Variants in ENPP2 observed in about 807,000 individuals in gnomAD.
ENPP2 encodes the protein autotaxin.
In ENPP2, 51 loss-of-function variants were observed where a neutral mutation model predicts 120.2. The observed-to-expected ratio is 0.42, with a 90% CI of 0.34 to 0.54. The LOEUF is 0.54. Among genes scored for constraint, ENPP2 ranks in the 20% least tolerant of loss-of-function variants. The pLI, the probability that ENPP2 is intolerant of heterozygous loss-of-function variation, is 0.04. For synonymous variants in ENPP2, 365 were observed against 366.4 expected, an observed-to-expected ratio of 1.00 and a Z score of 0.04; for missense variants, 920 against 1,066.5, an observed-to-expected ratio of 0.86 and a Z score of 1.91.
intron 11 of ENPP2, 51 bp downstream of exon 11, chr8:119,600,627 C>T (rs745390344): frequency 9.2e-7 from 1 of 1,085,406 alleles, no homozygotes. Flanking sequence ...GTCAGTAGAT[C>T]AGGTAGCCCA....
chr8:119,613,530 A>G (rs72688230), intron 8 of ENPP2, among the ~76,000 whole-genome samples: 7,988 of 152,274 alleles, frequency 0.052, 293 homozygotes, highest in Non-Finnish European at 0.08. Flanking sequence ...TAATTTAATT[A>G]TCAATCTAAG....
At chr8:119,607,820 A>G (rs564799773) in intron 9 of ENPP2, 102 bp downstream of exon 9, 1 of 752,044 alleles carries the variant, frequency 1.3e-6, no homozygotes. Context: ...AAAGTTCTAT[A>G]TTTTCACATT....
chr8:119,582,163 A>G (rs1237437511), intron 18 of ENPP2, among the ~76,000 whole-genome samples: 1 of 152,252 alleles, frequency 6.6e-6, no homozygotes, highest in East Asian at 1.9e-4. Context: ...TGCACAGAAT[A>G]GCAACATGAA....
At chr8:119,611,395 A>G (rs1815096523) in intron 8 of ENPP2, among the ~76,000 whole-genome samples, 1 of 152,112 alleles carries the variant, frequency 6.6e-6, no homozygotes, top group South Asian at 2.1e-4. Context: ...TGAGAATCAG[A>G]ACAAATTAAG....
intron 11 of ENPP2, chr8:119,595,874 A>C (rs764052643): frequency 6.2e-7 from 1 of 1,614,084 alleles, no homozygotes; most frequent in East Asian, 2.2e-5. Context: ...CCGCAGCATA[A>C]TGATCCATCC....
At chr8:119,633,216 T>A (rs1816789323) in intron 2 of ENPP2, among the ~76,000 whole-genome samples, 1 of 152,088 alleles carries the variant, frequency 6.6e-6, no homozygotes, top group Admixed American at 6.6e-5. Context: ...CCTCTAAATG[T>A]CCCCCGTAAA....
At position 119,571,824 on chromosome 8, in the gene ENPP2, T is replaced by C. The variant is rs1010873671; in HGVS notation, c.1781-983A>G. On this transcript the variant is annotated intron_variant, in intron 19 of 24. Coordinates refer to ENST00000075322, the MANE Select transcript of ENPP2 (RefSeq NM_001040092.3). ...TCTGAAAAACACTTATTAAATAATG[T>C]ATACATGTTGCTTTAATTAAAGTCT... 2.8e-4 allele frequency: 48 copies of C among 168,616 alleles called. 1 individual carries two copies. Among genetic ancestry groups the C allele is most frequent in the Non-Finnish European group, 1.0e-4 (8 of 78,618 alleles). The allele number at this position is 168,616 out of a possible 1,614,324, so 10.4% of individuals were successfully genotyped here.
intron 18 of ENPP2, among the ~76,000 whole-genome samples, 188 bp downstream of exon 18, chr8:119,582,230 G>A (rs1331582238): frequency 1.3e-5 from 2 of 152,170 alleles, no homozygotes; most frequent in Admixed American, 6.5e-5. Flanking sequence ...GTAGCCACAA[G>A]CCACATAGGG....
At position 119,586,237 on chromosome 8, in the gene ENPP2, C is replaced by T. The variant is rs61743437; in HGVS notation, c.1316G>A (p.Arg439Lys). 2,288 of 1,614,054 alleles carry T rather than the reference C, an allele frequency of 1.4e-3. 32 individuals carry two copies. In the African/African-American group the frequency reaches 0.027, roughly 19 times the overall value. The change falls in exon 15 of 25, where the codon AGA becomes AAA. Residue 439 changes from arginine (R) to lysine (K), a missense_variant. Coordinates refer to ENST00000075322, the MANE Select transcript of ENPP2 (RefSeq NM_001040092.3). ...LPKRLHYANNRRIEDIHLLVE... is the reference protein window; with the variant it reads ...LPKRLHYANNKRIEDIHLLVE... ...CAATAAATGGATATCCTCAATTCTT[C>T]TGTTGTTGGCATAGTGCAAACGTTT...
At chr8:119,623,461 T>C (rs1816051258) in intron 3 of ENPP2, among the ~76,000 whole-genome samples, 1 of 152,074 alleles carries the variant, frequency 6.6e-6, no homozygotes, top group Admixed American at 6.6e-5. Flanking sequence ...GGAGACTCCA[T>C]CTAAAAAGAT....
At chr8:119,657,214 C>T (rs182524712) in intron 1 of ENPP2, among the ~76,000 whole-genome samples, 2 of 152,218 alleles carry the variant, frequency 1.3e-5, no homozygotes, top group East Asian at 1.9e-4. Flanking sequence ...CATGAGCCAC[C>T]GCTGCTAGAC....
chr8:119,624,533 A>T (rs1189772032), intron 3 of ENPP2, among the ~76,000 whole-genome samples: 1 of 152,174 alleles, frequency 6.6e-6, no homozygotes, highest in South Asian at 2.1e-4. Context: ...CCAAAAATTT[A>T]TCTTAAGGAG....
intron 1 of ENPP2, among the ~76,000 whole-genome samples, chr8:119,663,054 T>C (rs1178094150): frequency 4.0e-5 from 6 of 149,382 alleles, no homozygotes; most frequent in African/African-American, 1.5e-4. Flanking sequence ...GAGGTGGAGG[T>C]TCCAGCGAGC....
upstream of ENPP2, among the ~76,000 whole-genome samples, chr8:119,642,840 A>G (rs1233923924): frequency 2.6e-5 from 4 of 152,192 alleles, no homozygotes; most frequent in African/African-American, 7.2e-5. Context: ...CTTGTTCCCT[A>G]GCCCTGATGA....
Position 119,625,852 on chromosome 8 carries a change from C to G in ENPP2, c.292+713G>C, listed in dbSNP as rs73314203. ...AAGCCTGTACATCCTAGTAACTGTT[C>G]CAGCACAAAAGAAATGTAAAGAAAG... On this transcript the variant is annotated intron_variant, in intron 3 of 24. Coordinates refer to ENST00000075322, the MANE Select transcript of ENPP2 (RefSeq NM_001040092.3). Among the ~76,000 whole-genome samples the G allele has an allele frequency of 2.7e-3, 415 of 152,196 alleles. 1 individual carries two copies. Among genetic ancestry groups the G allele is most frequent in the African/African-American group, 9.6e-3 (400 of 41,514 alleles).
At chr8:119,619,874 G>A (rs183228887) in intron 4 of ENPP2, among the ~76,000 whole-genome samples, 11 of 151,834 alleles carry the variant, frequency 7.2e-5, no homozygotes, top group Admixed American at 2.6e-4. Flanking sequence ...GCATAATGTC[G>A]AGAATAGAGA....
intron 12 of ENPP2, among the ~76,000 whole-genome samples, chr8:119,593,165 A>G (rs1813659303): frequency 6.6e-6 from 1 of 152,044 alleles, no homozygotes; most frequent in African/African-American, 2.4e-5. Context: ...TTTCTACTTC[A>G]TAAAGTGGGA....
chr8:119,587,121 A>C (rs756999832), intron 13 of ENPP2, 46 bp from the exon 14 acceptor site: 1 of 1,506,398 alleles, frequency 6.6e-7, no homozygotes, highest in East Asian at 2.3e-5. Flanking sequence ...AACAACCATT[A>C]CCAAGAGAAA....
Position 119,569,355 on chromosome 8 carries a change from C to T in ENPP2, c.1933G>A (p.Val645Ile), listed in dbSNP as rs879040983. ...ACGCAACTGGTCAGATGGTCAGGAA[C>T]GCTGGAAACCTCAGCCTGCACGGGA... ...TVSKQAEVSS[V>I]PDHLTSCVRP... is the part of the protein sequence containing the mutation. The change falls in exon 21 of 25, where the codon GTT becomes ATT. Residue 645 changes from valine to isoleucine, a missense_variant. Physicochemically the swap from Val to Ile is conservative, Grantham distance 29. Coordinates refer to ENST00000075322, the MANE Select transcript of ENPP2 (RefSeq NM_001040092.3). 3.1e-6 allele frequency: 5 copies of T among 1,613,798 alleles called. No individual in the cohort carries two copies. Among genetic ancestry groups the T allele is most frequent in the Admixed American group, 1.7e-5 (1 of 59,984 alleles).
Sources: allele counts gnomAD v4.1 joint callset (sites outside exome capture counted in the v4.1 genomes callset), GRCh38; gene constraint gnomAD v4.1.1; transcripts MANE v1.5; gene names NCBI Gene and HGNC (gene_info 2026-07-23, HGNC 2026-07-21).